The following DAB1 variants were observed in gnomAD, a reference collection of about 807,000 sequenced individuals.
DAB1 encodes the protein disabled homolog 1.
A neutral mutation model predicts 64.6 loss-of-function variants in DAB1; 15 were observed. The observed-to-expected ratio is 0.23, with a 90% CI of 0.16 to 0.36. The LOEUF (loss-of-function observed/expected upper bound fraction) is 0.36. Ranked by LOEUF, DAB1 falls within the 10% of genes least tolerant of loss-of-function variation. The pLI is 1.00. For synonymous variants in DAB1, 235 were observed against 251.9 expected, an observed-to-expected ratio of 0.93 and a Z score of 0.64; for missense variants, 596 against 706.7, an observed-to-expected ratio of 0.84 and a Z score of 1.78.
chr1:57,175,913 T>TC (rs1404976303), intron 2 of DAB1, among the ~76,000 whole-genome samples: 7 of 152,214 alleles, frequency 4.6e-5, no homozygotes, highest in Non-Finnish European at 8.8e-5. Flanking sequence ...TTTGATTTTT[T>TC]CTCTCTGGTT....
Position 58,063,519 on chromosome 1 carries a change from C to A in DAB1, n.387+86992G>T, listed in dbSNP as rs534139696. On this transcript the variant is annotated intron_variant and non_coding_transcript_variant, in intron 5 of 20. Transcript: ENST00000485760. ...AGCCTATGGTAGACAGAATTAAGCT[C>A]ATGGAGTAGAAAGAGTGTCTATTTA... 4.9e-4 allele frequency among the ~76,000 whole-genome samples: 75 copies of A among 152,266 alleles called. 1 individual carries two copies. The highest frequency in any genetic ancestry group is 1.4e-3 in the African/African-American group (60 of 41,550).
At chr1:58,029,187 G>A (rs189372184) in intron 5 of DAB1, among the ~76,000 whole-genome samples, 52 of 152,330 alleles carry the variant, frequency 3.4e-4, no homozygotes, top group African/African-American at 1.1e-3. Flanking sequence ...TGAGAGGTTA[G>A]TGTCTGGGTA....
rs574373843 is a variant in DAB1, at chr1:58,416,917, G to T, written n.258-73514C>A. ...TCTCAAAGACTTAGTATTAAAAAAAGAATGTAAGGTATCTCACTAATCATT... is the reference window on the plus strand; with the variant it reads ...TCTCAAAGACTTAGTATTAAAAAAATAATGTAAGGTATCTCACTAATCATT... On this transcript the variant is annotated intron_variant and non_coding_transcript_variant, in intron 3 of 20. Coordinates refer to the DAB1 transcript ENST00000485760. Among the ~76,000 whole-genome samples, 3 of 152,288 alleles carry T rather than the reference G, an allele frequency of 2.0e-5. No homozygotes were observed. The South Asian group carries it at 6.2e-4, about 32-fold the overall frequency.
intron 4 of DAB1, among the ~76,000 whole-genome samples, chr1:58,299,447 C>T (rs1314495597): frequency 6.6e-6 from 1 of 152,196 alleles, no homozygotes; most frequent in East Asian, 1.9e-4. Context: ...TATTTTAATA[C>T]AGCATTTCTT....
At chr1:57,094,890 G>T (rs1054494447) in intron 4 of DAB1, among the ~76,000 whole-genome samples, 2 of 152,044 alleles carry the variant, frequency 1.3e-5, no homozygotes. Context: ...ATCTAGTCAT[G>T]CCCTACCTCT....
chr1:57,032,392 G>C (rs1308759780), intron 9 of DAB1, among the ~76,000 whole-genome samples: 3 of 152,134 alleles, frequency 2.0e-5, no homozygotes, highest in Non-Finnish European at 4.4e-5. Flanking sequence ...CAATGGAGGA[G>C]AGAAGCACAG....
At position 57,461,943 on chromosome 1, in the gene DAB1, C is replaced by A. The variant is rs1022299669; in HGVS notation, n.626-170777G>T. Among the ~76,000 whole-genome samples the A allele has an allele frequency of 8.0e-5, 8 of 100,342 alleles. No homozygotes were observed. In the Admixed American group the frequency reaches 9.0e-4, roughly 11 times the overall value. The allele number at this position is 100,342 out of a possible 152,430, so 65.8% of individuals were successfully genotyped here. On this transcript the variant is annotated intron_variant and non_coding_transcript_variant, in intron 7 of 20. Transcript: ENST00000485760. ...GAATACATAAAGGATAAGATATACTCTTTTTTTTTTTTTTTTTTTTTTTTT... is the reference window on the plus strand; with the variant it reads ...GAATACATAAAGGATAAGATATACTATTTTTTTTTTTTTTTTTTTTTTTTT...
chr1:57,197,595 G>A (rs1307495723), intron 2 of DAB1, among the ~76,000 whole-genome samples: 2 of 152,126 alleles, frequency 1.3e-5, no homozygotes, highest in Admixed American at 6.5e-5. Context: ...CCAAGGTCTC[G>A]CAGCTAAATA....
rs576748455 is a variant in DAB1, at chr1:58,507,684, A to T, written n.108-1475T>A. Among the ~76,000 whole-genome samples the T allele has an allele frequency of 8.5e-5, 13 of 152,204 alleles. No individual in the cohort carries two copies. In the East Asian group the frequency reaches 1.2e-3, roughly 14 times the overall value. ...ATAAATACATATCTATATATGCAAG[A>T]TGTGTGTGTGCTTATGTGTAAAATA... is the stretch of plus-strand genomic sequence containing the variant. On this transcript the variant is annotated intron_variant and non_coding_transcript_variant, in intron 2 of 20. Coordinates refer to the DAB1 transcript ENST00000485760.
intron 7 of DAB1, among the ~76,000 whole-genome samples, chr1:57,552,498 G>A (rs551883759): frequency 6.6e-6 from 1 of 152,296 alleles, no homozygotes; most frequent in East Asian, 1.9e-4. Context: ...TGTGAAGTCT[G>A]GGTATAGTTC....
intron 7 of DAB1, among the ~76,000 whole-genome samples, chr1:57,594,925 T>G (rs1053959331): frequency 6.6e-6 from 1 of 151,936 alleles, no homozygotes; most frequent in African/African-American, 2.4e-5. Context: ...TTAGCCAGGA[T>G]GTTCTCGATC....
At chr1:57,296,999 C>G (rs567946356) in intron 1 of DAB1, among the ~76,000 whole-genome samples, 1 of 152,206 alleles carries the variant, frequency 6.6e-6, no homozygotes, top group South Asian at 2.1e-4. Context: ...ACGTTGTTAA[C>G]AAAATTAACA....
rs144329867 is a variant in DAB1, at chr1:58,472,434, C to T, written n.257+33626G>A. On this transcript the variant is annotated intron_variant and non_coding_transcript_variant, in intron 3 of 20. Transcript: ENST00000485760. ...TTTTGTTTTATTTTTGTCATTAGCA[C>T]TTTTCATAAGTCTTGCTTAGAAACA... Among the ~76,000 whole-genome samples, 733 of 152,330 alleles carry T rather than the reference C, an allele frequency of 4.8e-3. 2 individuals are homozygous for T. The Middle Eastern group carries it at 0.054, about 11-fold the overall frequency.
chr1:57,981,088 A>G (rs1178705581), intron 5 of DAB1, among the ~76,000 whole-genome samples: 1 of 152,096 alleles, frequency 6.6e-6, no homozygotes, highest in Non-Finnish European at 1.5e-5. Flanking sequence ...AGAGTCAGAG[A>G]GAACAAACCT....
At chr1:58,228,899 C>A in intron 4 of DAB1, 1 of 543,114 alleles carries the variant, frequency 1.8e-6, no homozygotes, top group South Asian at 1.6e-5. Flanking sequence ...AACCTAACAA[C>A]AGCTGTAGTG....
In DAB1 at chr1:57,763,388, T is replaced by C. The variant is rs572295994; in HGVS notation, n.552-113723A>G. On this transcript the variant is annotated intron_variant and non_coding_transcript_variant, in intron 6 of 20. Transcript: ENST00000485760. The stretch of plus-strand genomic sequence containing the variant: ...TAGTTCTTGAAGTATATTTTAAATA[T>C]CTGTCTAGGCTGGGCGTGGTGGCTT... Among the ~76,000 whole-genome samples the C allele has an allele frequency of 7.2e-5, 11 of 152,262 alleles. No individual in the cohort carries two copies. In the East Asian group the frequency reaches 1.7e-3, roughly 24 times the overall value.
chr1:57,471,450 G>A (rs1389387291), intron 7 of DAB1, among the ~76,000 whole-genome samples: 2 of 152,168 alleles, frequency 1.3e-5, no homozygotes, highest in Admixed American at 6.5e-5. Flanking sequence ...TGATGCACAT[G>A]TTTATCGGTC....
chr1:57,047,054 T>C (rs1298299167), intron 9 of DAB1, among the ~76,000 whole-genome samples: 1 of 152,066 alleles, frequency 6.6e-6, no homozygotes, highest in East Asian at 1.9e-4. Flanking sequence ...CTTTCAAGAG[T>C]GCCCAGTTTG....
intron 1 of DAB1, among the ~76,000 whole-genome samples, chr1:57,402,432 G>A (rs146456205): frequency 2.0e-5 from 3 of 152,268 alleles, no homozygotes; most frequent in Non-Finnish European, 4.4e-5. Context: ...TTACAGTCAC[G>A]TTTAAGGGCA....
Sources: allele counts gnomAD v4.1 joint callset (sites outside exome capture counted in the v4.1 genomes callset), GRCh38; gene constraint gnomAD v4.1.1; transcripts MANE v1.5; gene names NCBI Gene and HGNC (gene_info 2026-07-23, HGNC 2026-07-21).